Variants in ZFC3H1 observed in about 807,000 individuals in gnomAD.
The protein encoded by ZFC3H1 is zinc finger C3H1 domain-containing protein.
ZFC3H1 carries 71 observed loss-of-function variants against 243.7 expected under a neutral mutation model. That is an observed-to-expected ratio of 0.29 (90% CI 0.24 to 0.36). The LOEUF (loss-of-function observed/expected upper bound fraction) is 0.36, where lower values mean the gene tolerates loss of function less well. Ranked by LOEUF, ZFC3H1 falls within the 10% of genes least tolerant of loss-of-function variation. The pLI is 1.00. For missense variants in ZFC3H1, 1,966 were observed against 2,317.1 expected (o/e 0.85, Z 3.11); for synonymous variants, 838 against 813.0 (o/e 1.03, Z -0.52).
At chr12:71,618,198 G>T (rs1467428928) in intron 27 of ZFC3H1, among the ~76,000 whole-genome samples, 1 of 151,824 alleles carries the variant, frequency 6.6e-6, no homozygotes, top group Non-Finnish European at 1.5e-5. Context: ...CTGGGAGACG[G>T]AGGTTGCAAT....
At position 71,620,198 on chromosome 12, in the gene ZFC3H1, A is replaced by G. The variant is rs1310168139; in HGVS notation, c.4850+12T>C. The G allele has an allele frequency of 8.7e-6, 14 of 1,613,966 alleles. No individual in the cohort carries two copies. In the Admixed American group the frequency reaches 2.3e-4, roughly 27 times the overall value. On this transcript the variant is annotated intron_variant, in intron 25 of 34. Coordinates refer to ENST00000378743, the MANE Select transcript of ZFC3H1 (RefSeq NM_144982.5). ...TTAATATAAGGTTAGCTGCTTGGCAATTAAGTTGTACCTCTCCAGGAGTTG... is the reference window on the plus strand; with the variant it reads ...TTAATATAAGGTTAGCTGCTTGGCAGTTAAGTTGTACCTCTCCAGGAGTTG...
rs908578533 is a variant in ZFC3H1 at position 71,634,901 on chromosome 12, A to G, written c.2239-76T>C. 5.4e-6 allele frequency: 8 copies of G among 1,485,646 alleles called. No individual in the cohort carries two copies. In the African/African-American group the frequency reaches 8.5e-5, roughly 16 times the overall value. The allele number at this position is 1,485,646 out of a possible 1,614,324, so 92.0% of individuals were successfully genotyped here. Reference sequence around the variant, plus strand: ...TTCCATACTAAGATTTATATTTTACATTGCAACCCAGTGTATACTGAATTT... The same window carrying G: ...TTCCATACTAAGATTTATATTTTACGTTGCAACCCAGTGTATACTGAATTT... On this transcript the variant is annotated intron_variant, in intron 10 of 34. Coordinates refer to ENST00000378743, the MANE Select transcript of ZFC3H1 (RefSeq NM_144982.5).
At chr12:71,632,572 T>C in intron 14 of ZFC3H1, 58 bp from the exon 15 acceptor site, 1 of 1,499,974 alleles carries the variant, frequency 6.7e-7, no homozygotes, top group Non-Finnish European at 8.8e-7. Flanking sequence ...AAACAATTTT[T>C]GGTAAGATAA....
In ZFC3H1 at chr12:71,656,994, T is replaced by C; in HGVS notation, c.906A>G (p.Lys302=). Residue 302 remains lysine, a synonymous_variant, in exon 2 of 35, where the codon AAA becomes AAG. Transcript: ENST00000378743. The part of the protein sequence containing the change: ...QVKTFQAFEL[K]PLRQKLTLPG... ...GTAAAGTCAATTTTTGCCTGAGTGG[T>C]TTTAATTCAAATGCCTGAAAAGTTT... is the stretch of plus-strand genomic sequence containing the variant. 3.1e-6 allele frequency: 5 copies of C among 1,613,884 alleles called. No homozygotes were observed. In the South Asian group the frequency reaches 3.3e-5, roughly 11 times the overall value.
At chr12:71,621,584 A>G (rs529378121) in intron 24 of ZFC3H1, among the ~76,000 whole-genome samples, 1 of 152,244 alleles carries the variant, frequency 6.6e-6, no homozygotes, top group East Asian at 1.9e-4. Flanking sequence ...GGGATTACAG[A>G]TGTGAGGCAC....
At chr12:71,631,366 T>G (rs958462505) in intron 16 of ZFC3H1, among the ~76,000 whole-genome samples, 44 of 152,066 alleles carry the variant, frequency 2.9e-4, no homozygotes, top group African/African-American at 1.0e-3. Context: ...CTTTTAAAAG[T>G]CTAAATGGGG....
intron 2 of ZFC3H1, chr12:71,656,386 A>G (rs1206435866): frequency 2.0e-6 from 1 of 503,982 alleles, no homozygotes; most frequent in Non-Finnish European, 3.4e-6. Context: ...GCAAGCATAC[A>G]AGGGTGGTTT....
intron 2 of ZFC3H1, among the ~76,000 whole-genome samples, chr12:71,654,982 A>G (rs1348755997): frequency 1.3e-5 from 2 of 152,212 alleles, no homozygotes; most frequent in Non-Finnish European, 2.9e-5. Flanking sequence ...CAAAGTATTT[A>G]AAGCAAAAAG....
In ZFC3H1 at chr12:71,626,209, T is replaced by TACACACACACACACACAC. The variant is rs55719302; in HGVS notation, c.4317+33_4317+50dup. 5 of 1,089,474 alleles carry TACACACACACACACACAC rather than the reference T, an allele frequency of 4.6e-6. No homozygotes were observed. The African/African-American group carries it at 6.0e-5, about 13-fold the overall frequency. The allele number at this position is 1,089,474 out of a possible 1,614,324, so 67.5% of individuals were successfully genotyped here. ...ATTTTTAAGATGATCCAAATAATTA[T>TACACACACACACACACAC]ACACACACACACACACACACACACA... On this transcript the variant is annotated intron_variant, in intron 22 of 34. Coordinates refer to ENST00000378743, the MANE Select transcript of ZFC3H1 (RefSeq NM_144982.5).
At chr12:71,661,484 C>CT (rs10658535) in intron 1 of ZFC3H1, among the ~76,000 whole-genome samples, 45,398 of 130,672 alleles carry the variant, frequency 0.35, 9,184 homozygotes, top group East Asian at 0.8. Context: ...TATAATTTTC[C>CT]TTTTTTTTTT....
At chr12:71,621,818 A>T (rs1880036167) in intron 24 of ZFC3H1, among the ~76,000 whole-genome samples, 1 of 142,074 alleles carries the variant, frequency 7.0e-6, no homozygotes, top group African/African-American at 2.7e-5. Flanking sequence ...CCCCCGCCTC[A>T]CCCCCATGTA....
chr12:71,635,703 T>C (rs1347923303), intron 9 of ZFC3H1, 123 bp from the exon 10 acceptor site: 43 of 903,836 alleles, frequency 4.8e-5, no homozygotes, highest in Non-Finnish European at 4.6e-6. Flanking sequence ...TAGGGTTGTA[T>C]TACATAATCC....
At chr12:71,646,497 T>C (rs1880733298) in intron 3 of ZFC3H1, among the ~76,000 whole-genome samples, 1 of 152,256 alleles carries the variant, frequency 6.6e-6, no homozygotes, top group Non-Finnish European at 1.5e-5. Flanking sequence ...AGAATTCAGC[T>C]ATAAAACATT....
intron 1 of ZFC3H1, 142 bp from the exon 2 acceptor site, chr12:71,657,443 T>C: frequency 1.4e-6 from 1 of 719,670 alleles, no homozygotes; most frequent in Non-Finnish European, 2.2e-6. Flanking sequence ...CTAAATTCCA[T>C]TTAATGTATG....
At chr12:71,662,692 CAA>C (rs1010086436) in intron 1 of ZFC3H1, among the ~76,000 whole-genome samples, 2 of 152,098 alleles carry the variant, frequency 1.3e-5, no homozygotes, top group African/African-American at 4.8e-5. Flanking sequence ...ATATAAAACA[CAA>C]AGTTTCTGTA....
In ZFC3H1 at chr12:71,663,440, A is replaced by G. The variant is rs201701950; in HGVS notation, c.171T>C (p.Pro57=). Residue 57 remains proline, a synonymous_variant, in exon 1 of 35, where the codon CCT becomes CCC. Coordinates refer to ENST00000378743, the MANE Select transcript of ZFC3H1 (RefSeq NM_144982.5). ...GGLLPYPRRR[P]PHSARGGGSG... is the part of the protein sequence containing the mutation. ...ATCCACCGCCCCGGGCCGAGTGAGGAGGCCTTCGCCGCGGATAGGGTAACA... is the reference window on the plus strand; with the variant it reads ...ATCCACCGCCCCGGGCCGAGTGAGGGGGCCTTCGCCGCGGATAGGGTAACA... The G allele has an allele frequency of 3.0e-4, 483 of 1,611,984 alleles. No individual in the cohort carries two copies. Among genetic ancestry groups the G allele is most frequent in the Non-Finnish European group, 3.9e-4 (463 of 1,180,026 alleles).
chr12:71,662,604 A>G (rs918876477), intron 1 of ZFC3H1, among the ~76,000 whole-genome samples: 1 of 151,962 alleles, frequency 6.6e-6, no homozygotes, highest in Non-Finnish European at 1.5e-5. Context: ...TTTCAACGTC[A>G]AACTGCAATA....
At chr12:71,647,670 T>C (rs1592599839) in intron 3 of ZFC3H1, 79 bp downstream of exon 3, 5 of 745,556 alleles carry the variant, frequency 6.7e-6, no homozygotes, top group Non-Finnish European at 1.1e-5. Context: ...TAAGATAGAC[T>C]TCCCTTACAA....
At chr12:71,654,226 G>A (rs1022885436) in intron 2 of ZFC3H1, among the ~76,000 whole-genome samples, 1 of 152,126 alleles carries the variant, frequency 6.6e-6, no homozygotes, top group East Asian at 1.9e-4. Flanking sequence ...GATCATTTGA[G>A]CCCAGGAGTT....
Sources: gnomAD v4.1 joint callset for allele counts (sites outside exome capture counted in the v4.1 genomes callset) on GRCh38, gnomAD v4.1.1 for gene constraint, MANE v1.5 for transcripts, NCBI Gene and HGNC (gene_info 2026-07-23, HGNC 2026-07-21) for gene names.